TULP4: variants seen among roughly 807,000 people sequenced by gnomAD.
The protein encoded by TULP4 is tubby-related protein 4.
In TULP4, 16 loss-of-function variants were observed where a neutral mutation model predicts 129.0. The observed-to-expected ratio is 0.12, with a 90% confidence interval of 0.08 to 0.19. The LOEUF (loss-of-function observed/expected upper bound fraction) is 0.19, where lower values mean the gene tolerates loss of function less well. Among genes scored for constraint, TULP4 ranks in the 10% least tolerant of loss-of-function variants. The pLI, the probability that TULP4 is intolerant of heterozygous loss-of-function variation, is 1.00. For missense variants in TULP4, 1,842 were observed against 2,059.1 expected, an observed-to-expected ratio of 0.89 and a Z score of 2.04; for synonymous variants, 998 against 854.0, an observed-to-expected ratio of 1.17 and a Z score of -2.94.
At chr6:158,246,668 A>G (rs1366445191) in intron 1 of TULP4, among the ~76,000 whole-genome samples, 2 of 152,174 alleles carry the variant, frequency 1.3e-5, no homozygotes, top group African/African-American at 4.8e-5. Context: ...CATAGAATAT[A>G]ATTGGTGAAA....
chr6:158,415,036 T>C (rs1778176427), intron 2 of TULP4, among the ~76,000 whole-genome samples: 1 of 152,234 alleles, frequency 6.6e-6, no homozygotes, highest in South Asian at 2.1e-4. Context: ...TGATTTTCTC[T>C]TTTGGCAGAG....
At chr6:158,314,299 C>G (rs766159590) in intron 1 of TULP4, 31 bp downstream of exon 1, 1 of 1,605,808 alleles carries the variant, frequency 6.2e-7, no homozygotes, top group South Asian at 1.1e-5. Context: ...ACTTTTTGGT[C>G]ACTTCCAGTG....
intron 1 of TULP4, among the ~76,000 whole-genome samples, chr6:158,240,841 G>C (rs1777881324): frequency 6.6e-6 from 1 of 150,710 alleles, no homozygotes; most frequent in South Asian, 2.1e-4. Flanking sequence ...GGCTGGGCGG[G>C]GGGGCTGACC....
chr6:158,469,022 C>T (rs1345632561), intron 6 of TULP4, among the ~76,000 whole-genome samples: 1 of 152,204 alleles, frequency 6.6e-6, no homozygotes, highest in Non-Finnish European at 1.5e-5. Context: ...ATACATAGCA[C>T]TGACCAAGAT....
Position 158,367,957 on chromosome 6 carries a change from G to A in TULP4, c.253-45108G>A, listed in dbSNP as rs575556225. 2.0e-5 allele frequency among the ~76,000 whole-genome samples: 3 copies of A among 150,190 alleles called. No individual in the cohort carries two copies. In the South Asian group the frequency reaches 6.4e-4, roughly 32 times the overall value. On this transcript the variant is annotated intron_variant, in intron 1 of 13. Coordinates refer to ENST00000367097, the MANE Select transcript of TULP4 (RefSeq NM_020245.5). ...AAAAAAATCAAATCTGGGCGTGGTG[G>A]GATGTGCCTGTAGTCCCTCCCAGCT...
chr6:158,506,758 G>A lies in TULP4; in HGVS notation c.*64G>A, dbSNP rs1780613320. ...TTGGAAGAGGTCTTCGGAGATGCCA[G>A]AGGAGCCCTCTAGGGGTCCGATGCC... On this transcript the variant is annotated 3_prime_UTR_variant, in exon 14 of 14. Transcript: ENST00000367097. 2.5e-6 allele frequency: 3 copies of A among 1,187,914 alleles called. No homozygotes were observed. The highest frequency in any genetic ancestry group is 1.3e-6 in the Non-Finnish European group (1 of 799,772). 73.6% of individuals were successfully genotyped at this position (1,187,914 alleles called of 1,614,324 possible). A position where few individuals can be genotyped will look rare whatever the true frequency, so the allele number is the denominator to read the frequency against.
intron 1 of TULP4, among the ~76,000 whole-genome samples, chr6:158,289,379 ATT>A (rs148402935): frequency 1.3e-5 from 2 of 150,042 alleles, no homozygotes; most frequent in African/African-American, 4.9e-5. Context: ...AGCTTGTCTA[ATT>A]TTTTTTTCTT....
At chr6:158,329,137 T>A (rs1423617987) in intron 1 of TULP4, among the ~76,000 whole-genome samples, 1 of 152,210 alleles carries the variant, frequency 6.6e-6, no homozygotes, top group African/African-American at 2.4e-5. Flanking sequence ...TTGCTGGGTG[T>A]TTTTATTGTA....
chr6:158,238,088 A>G, intron 1 of TULP4: 1 of 715,990 alleles, frequency 1.4e-6, no homozygotes, highest in Non-Finnish European at 2.6e-6. Context: ...CTTCATGGCT[A>G]CACATGGTCA....
At chr6:158,244,948 C>T (rs1562492926) in intron 1 of TULP4, among the ~76,000 whole-genome samples, 1 of 152,014 alleles carries the variant, frequency 6.6e-6, no homozygotes, top group East Asian at 1.9e-4. Context: ...AGACTTAAGA[C>T]AGCATTTTTC....
chr6:158,328,127 TGCGTGC>T (rs146088254), intron 1 of TULP4, among the ~76,000 whole-genome samples: 15,871 of 89,592 alleles, frequency 0.18, 1,448 homozygotes, highest in African/African-American at 0.19. Flanking sequence ...TGTGTGTGTG[TGCGTGC>T]GTGCTGGGAA....
chr6:158,259,693 C>T (rs1033796066), intron 1 of TULP4, among the ~76,000 whole-genome samples: 1 of 152,216 alleles, frequency 6.6e-6, no homozygotes, highest in African/African-American at 2.4e-5. Flanking sequence ...CAAGGCTGCT[C>T]TCATGGCAGA....
At chr6:158,451,049 AG>A (rs1380606769) in intron 4 of TULP4, among the ~76,000 whole-genome samples, 2 of 152,168 alleles carry the variant, frequency 1.3e-5, no homozygotes, top group African/African-American at 4.8e-5. Context: ...TGGGCAACAG[AG>A]CAAGTCTCCG....
At chr6:158,379,776 T>C (rs1022386012) in intron 1 of TULP4, among the ~76,000 whole-genome samples, 2 of 152,166 alleles carry the variant, frequency 1.3e-5, no homozygotes, top group African/African-American at 4.8e-5. Flanking sequence ...CTACAGTGTT[T>C]GGGACAGGCA....
chr6:158,502,642 G>A lies in TULP4; in HGVS notation c.2979G>A (p.Glu993=), dbSNP rs1187086759. 1 of 1,583,546 alleles carries A rather than the reference G, an allele frequency of 6.3e-7. No individual in the cohort carries two copies. The highest frequency in any genetic ancestry group is 8.6e-7 in the Non-Finnish European group (1 of 1,169,344). Residue 993 remains glutamate (E), a synonymous_variant, in exon 13 of 14, where the codon GAG becomes GAA. Coordinates refer to ENST00000367097, the MANE Select transcript of TULP4 (RefSeq NM_020245.5). The stretch of plus-strand genomic sequence containing the variant: ...CTACCCTGCGGAGGAACAACCGTGA[G>A]GCTACGCTCAAGATGGCCCAGCTGG... ...IHATLRRNNR[E]ATLKMAQLAD...
chr6:158,501,539 A>G (rs1223396709), intron 12 of TULP4, 139 bp from the exon 13 acceptor site: 6 of 856,510 alleles, frequency 7.0e-6, no homozygotes, highest in Admixed American at 5.7e-5. Flanking sequence ...AGCTTTCCCC[A>G]AGCAGACACG....
intron 3 of TULP4, among the ~76,000 whole-genome samples, chr6:158,442,786 G>A (rs547254719): frequency 4.0e-5 from 6 of 150,642 alleles, no homozygotes; most frequent in East Asian, 2.0e-4. Flanking sequence ...CTTGTGTACC[G>A]TTCTGGAGAT....
intron 1 of TULP4, among the ~76,000 whole-genome samples, chr6:158,325,586 T>G (rs1394958885): frequency 6.6e-6 from 1 of 152,074 alleles, no homozygotes; most frequent in East Asian, 1.9e-4. Flanking sequence ...TCTCCTGACC[T>G]CGTGATCCGC....
intron 1 of TULP4, among the ~76,000 whole-genome samples, chr6:158,326,850 C>A (rs1307606312): frequency 6.6e-6 from 1 of 152,094 alleles, no homozygotes; most frequent in African/African-American, 2.4e-5. Flanking sequence ...CTTTGTGGAT[C>A]CACTTATATG....
Sources: allele counts gnomAD v4.1 joint callset (sites outside exome capture counted in the v4.1 genomes callset), GRCh38; gene constraint gnomAD v4.1.1; transcripts MANE v1.5; gene names NCBI Gene and HGNC (gene_info 2026-07-23, HGNC 2026-07-21).